AKAP13: variants seen among roughly 807,000 people sequenced by gnomAD.
AKAP13 encodes the protein A-kinase anchor protein 13.
A neutral mutation model predicts 264.5 loss-of-function variants in AKAP13; 80 were observed. That is an observed-to-expected ratio of 0.30 (90% confidence interval 0.25 to 0.36). The LOEUF (loss-of-function observed/expected upper bound fraction) is 0.36. Among genes scored for constraint, AKAP13 ranks in the 10% least tolerant of loss-of-function variants. The pLI, the probability that AKAP13 is intolerant of heterozygous loss-of-function variation, is 1.00. For missense variants in AKAP13, 3,712 were observed against 3,435.2 expected (o/e 1.08, Z -2.01); for synonymous variants, 1,380 against 1,250.2 (o/e 1.10, Z -2.19).
intron 1 of AKAP13, among the ~76,000 whole-genome samples, chr15:85,456,422 C>T (rs914126284): frequency 6.6e-6 from 1 of 152,128 alleles, no homozygotes; most frequent in African/African-American, 2.4e-5. Flanking sequence ...TGGGGACACC[C>T]ACTGCTCTCA....
At chr15:85,719,950 G>A (rs1418922599) in intron 23 of AKAP13, among the ~76,000 whole-genome samples, 1 of 151,538 alleles carries the variant, frequency 6.6e-6, no homozygotes, top group Non-Finnish European at 1.5e-5. Flanking sequence ...TAAATATTTG[G>A]GGCTGGGCAC....
chr15:85,572,947 G>T (rs892600527), intron 5 of AKAP13, among the ~76,000 whole-genome samples: 1 of 152,184 alleles, frequency 6.6e-6, no homozygotes, highest in African/African-American at 2.4e-5. Flanking sequence ...GTGTTAGTTT[G>T]CTGAGAACGA....
intron 4 of AKAP13, among the ~76,000 whole-genome samples, chr15:85,538,093 G>A (rs1790298167): frequency 6.6e-6 from 1 of 152,142 alleles, no homozygotes; most frequent in Non-Finnish European, 1.5e-5. Flanking sequence ...TCTCAGCTCG[G>A]TGGTTAGTGA....
Position 85,669,301 on chromosome 15 carries a change from A to T in AKAP13, c.4993-421A>T, listed in dbSNP as rs370260089. Among the ~76,000 whole-genome samples the T allele has an allele frequency of 5.9e-5, 9 of 152,366 alleles. No individual in the cohort carries two copies. In the East Asian group the frequency reaches 1.3e-3, roughly 23 times the overall value. Reference sequence around the variant, plus strand: ...ATTACTGATATTCTACTATATCTGTATGAAGAAATATTTAGATTTTCAAAG... The same window carrying T: ...ATTACTGATATTCTACTATATCTGTTTGAAGAAATATTTAGATTTTCAAAG... On this transcript the variant is annotated intron_variant, in intron 13 of 36. Coordinates refer to ENST00000394518, the MANE Select transcript of AKAP13 (RefSeq NM_007200.5).
rs34275462 is a variant in AKAP13, at chr15:85,514,843, G to GTT, written c.34-6574_34-6573dup. Among the ~76,000 whole-genome samples the GTT allele has an allele frequency of 2.2e-3, 272 of 124,800 alleles. 43 individuals carry two copies. The highest frequency in any genetic ancestry group is 3.4e-3 in the Non-Finnish European group (206 of 60,130). The allele number at this position is 124,800 out of a possible 152,430, so 81.9% of individuals were successfully genotyped here. ...GTGTTGGTTAATGAGATTTTGAGGG[G>GTT]TTTTTTTTTTTTGGTACTGTAATAA... On this transcript the variant is annotated intron_variant, in intron 2 of 36. Coordinates refer to ENST00000394518, the MANE Select transcript of AKAP13 (RefSeq NM_007200.5).
intron 9 of AKAP13, among the ~76,000 whole-genome samples, chr15:85,639,774 A>G (rs1413231936): frequency 2.6e-5 from 4 of 152,196 alleles, no homozygotes; most frequent in South Asian, 2.1e-4. Flanking sequence ...GAGGTTCTCA[A>G]TTTTGAATGC....
In AKAP13 at chr15:85,723,192, C is replaced by G; in HGVS notation, c.6617C>G (p.Thr2206Arg). Residue 2206 changes from threonine (T) to arginine (R), a missense_variant, in exon 26 of 37, where the codon ACA becomes AGA. By Grantham distance (71) the Thr-to-Arg change is moderately conservative (BLOSUM62 -1). Around this residue, in one of 3 missense-constraint regions of AKAP13, gnomAD observed 342 missense variants for 484.3 expected, o/e 0.71. Coordinates refer to ENST00000394518, the MANE Select transcript of AKAP13 (RefSeq NM_007200.5). The part of the protein sequence containing the change: ...EKKVRLNEIY[T>R]KTDSKSIMRM... ...AAAGTGCGTCTCAATGAGATTTATA[C>G]AAAGACAGATAGCAAGTCAATCATG... 1 of 1,614,130 alleles carries G rather than the reference C, an allele frequency of 6.2e-7. No homozygotes were observed. Among genetic ancestry groups the G allele is most frequent in the Non-Finnish European group, 8.5e-7 (1 of 1,180,000 alleles).
intron 1 of AKAP13, among the ~76,000 whole-genome samples, chr15:85,477,090 T>C (rs1273313819): frequency 6.6e-6 from 1 of 152,072 alleles, no homozygotes; most frequent in Non-Finnish European, 1.5e-5. Context: ...AGGTTACTAT[T>C]TGAGTGCCAT....
chr15:85,490,431 A>G (rs2075689582), intron 2 of AKAP13, among the ~76,000 whole-genome samples: 2 of 152,192 alleles, frequency 1.3e-5, no homozygotes, highest in African/African-American at 4.8e-5. Context: ...AGAGCAAGGA[A>G]GTTGGTTTTG....
At chr15:85,594,864 C>G (rs367924705) in intron 8 of AKAP13, among the ~76,000 whole-genome samples, 2 of 152,240 alleles carry the variant, frequency 1.3e-5, no homozygotes, top group South Asian at 4.1e-4. Flanking sequence ...AGTTGACCAC[C>G]AGAAGAGTAA....
chr15:85,381,057 C>T (rs1325152846), intron 1 of AKAP13, among the ~76,000 whole-genome samples: 1 of 152,106 alleles, frequency 6.6e-6, no homozygotes, highest in East Asian at 1.9e-4. Flanking sequence ...TCCCACTCCG[C>T]AGCCCAACTT....
chr15:85,681,375 A>G (rs1230400585), intron 14 of AKAP13, among the ~76,000 whole-genome samples: 2 of 152,204 alleles, frequency 1.3e-5, no homozygotes, highest in Non-Finnish European at 2.9e-5. Flanking sequence ...GTCTTCAGTA[A>G]CTCAATCTTT....
intron 27 of AKAP13, 177 bp from the exon 28 acceptor site, chr15:85,726,888 CT>C (rs901500451): frequency 4.4e-6 from 3 of 680,290 alleles, no homozygotes; most frequent in Non-Finnish European, 4.8e-6. Flanking sequence ...CTTTTGAAAT[CT>C]TTTTTTGTTA....
intron 29 of AKAP13, 45 bp from the exon 30 acceptor site, chr15:85,730,468 T>A (rs1381380180): frequency 6.3e-7 from 1 of 1,583,694 alleles, no homozygotes; most frequent in African/African-American, 1.3e-5. Context: ...TTCTCGTAAT[T>A]ACTAAACACC....
At chr15:85,660,275 C>G (rs1293953713) in intron 12 of AKAP13, among the ~76,000 whole-genome samples, 1 of 142,928 alleles carries the variant, frequency 7.0e-6, no homozygotes, top group Non-Finnish European at 1.5e-5. Flanking sequence ...ATTGCTTGAA[C>G]CTGGGAGGCA....
intron 8 of AKAP13, among the ~76,000 whole-genome samples, chr15:85,610,251 T>C (rs1395653152): frequency 2.6e-5 from 4 of 152,234 alleles, no homozygotes; most frequent in Non-Finnish European, 4.4e-5. Flanking sequence ...AAGTTTGTTC[T>C]TATTTCCATA....
chr15:85,580,596 G>C lies in AKAP13; in HGVS notation c.2528G>C (p.Arg843Thr). 6.2e-7 allele frequency: 1 copy of C among 1,614,198 alleles called. No homozygotes were observed. Among genetic ancestry groups the C allele is most frequent in the Non-Finnish European group, 8.5e-7 (1 of 1,180,030 alleles). ...NEPDTRPLED[R>T]AVGLSTSSTA... ...CCTGATACGCGGCCACTAGAAGACA[G>C]GGCAGTAGGCCTGTCCACATCCTCC... The change falls in exon 7 of 37, where the codon AGG becomes ACG. Residue 843 changes from arginine to threonine, a missense_variant. By Grantham distance (71) the Arg-to-Thr change is moderately conservative. Coordinates refer to ENST00000394518, the MANE Select transcript of AKAP13 (RefSeq NM_007200.5).
chr15:85,601,863 A>T (rs573083985), intron 8 of AKAP13, among the ~76,000 whole-genome samples: 58 of 151,458 alleles, frequency 3.8e-4, no homozygotes, highest in Non-Finnish European at 7.5e-4. Context: ...TCATTATTAA[A>T]ATTATATTTT....
intron 10 of AKAP13, among the ~76,000 whole-genome samples, chr15:85,654,414 C>G (rs1484877494): frequency 3.3e-5 from 5 of 152,084 alleles, no homozygotes; most frequent in African/African-American, 1.2e-4. Context: ...ATAATTAAAC[C>G]TAACACATGA....
Sources: gnomAD v4.1 joint callset for allele counts (sites outside exome capture counted in the v4.1 genomes callset) on GRCh38, gnomAD v4.1.1 for gene constraint, gnomAD v4.1.1 regional missense constraint, MANE v1.5 for transcripts, NCBI Gene and HGNC (gene_info 2026-07-23, HGNC 2026-07-21) for gene names.